CSMD3: variants seen among roughly 807,000 people sequenced by gnomAD.
The protein encoded by CSMD3 is CUB and Sushi multiple domains 3.
A neutral mutation model predicts 435.2 loss-of-function variants in CSMD3; 177 were observed. That is an observed-to-expected ratio of 0.41 (90% CI 0.36 to 0.46). The LOEUF is 0.46. CSMD3 is among the 20% of genes least tolerant of loss of function. The pLI is 0.34. For synonymous variants in CSMD3, 1,656 were observed against 1,520.5 expected (o/e 1.09, Z -2.07); for missense variants, 4,265 against 4,504.6 (o/e 0.95, Z 1.52).
chr8:113,314,848 A>G lies in CSMD3; in HGVS notation c.179-55T>C, dbSNP rs567312329. The stretch of plus-strand genomic sequence containing the variant: ...ATATTATATAAATCAAGAACAATCC[A>G]TGAGATAATATTATTTTGAAAGTCT... On this transcript the variant is annotated intron_variant, in intron 1 of 70. Coordinates refer to ENST00000297405, the MANE Select transcript of CSMD3 (RefSeq NM_198123.2). The G allele has an allele frequency of 4.4e-4, 500 of 1,134,030 alleles. 4 individuals carry two copies. In the South Asian group the frequency reaches 4.5e-3, roughly 10 times the overall value. The allele number at this position is 1,134,030 out of a possible 1,614,324, so 70.2% of individuals were successfully genotyped here. A position where few individuals can be genotyped will look rare whatever the true frequency, so the allele number is the denominator to read the frequency against.
At chr8:113,337,291 T>A (rs760256485) in intron 1 of CSMD3, among the ~76,000 whole-genome samples, 2 of 152,138 alleles carry the variant, frequency 1.3e-5, no homozygotes, top group African/African-American at 2.4e-5. Context: ...TTTAGTTGTT[T>A]GTAGCATGAG....
chr8:112,389,187 AGAT>A (rs1830205665), intron 36 of CSMD3, among the ~76,000 whole-genome samples: 1 of 152,188 alleles, frequency 6.6e-6, no homozygotes, highest in Admixed American at 6.5e-5. Context: ...CAAAAAGAGA[AGAT>A]GATAACTAAA....
intron 5 of CSMD3, among the ~76,000 whole-genome samples, chr8:113,032,696 T>C (rs1486092850): frequency 2.0e-5 from 3 of 151,550 alleles, no homozygotes; most frequent in Admixed American, 6.6e-5. Flanking sequence ...TGGGGAGGGA[T>C]TCAAGTCAAC....
At chr8:112,915,787 C>T (rs1349448265) in intron 10 of CSMD3, among the ~76,000 whole-genome samples, 1 of 151,564 alleles carries the variant, frequency 6.6e-6, no homozygotes, top group Non-Finnish European at 1.5e-5. Flanking sequence ...AAACATAATG[C>T]AATAAAAATA....
At chr8:112,531,417 G>A (rs1825526445) in intron 27 of CSMD3, among the ~76,000 whole-genome samples, 1 of 152,158 alleles carries the variant, frequency 6.6e-6, no homozygotes, top group Non-Finnish European at 1.5e-5. Flanking sequence ...TGCTGTGCTG[G>A]TCTGGAAGGT....
intron 22 of CSMD3, among the ~76,000 whole-genome samples, chr8:112,594,710 A>AC (rs780162782): frequency 6.6e-6 from 1 of 151,662 alleles, no homozygotes; most frequent in Non-Finnish European, 1.5e-5. Context: ...CTAACCCCTG[A>AC]CCCCCCGAGC....
At chr8:113,026,053 G>T (rs1011896048) in intron 5 of CSMD3, among the ~76,000 whole-genome samples, 5 of 152,130 alleles carry the variant, frequency 3.3e-5, no homozygotes, top group Non-Finnish European at 7.3e-5. Flanking sequence ...ACAGGGATAG[G>T]GGGTGCACAT....
At chr8:112,745,278 T>C (rs577197286) in intron 13 of CSMD3, among the ~76,000 whole-genome samples, 1 of 152,120 alleles carries the variant, frequency 6.6e-6, no homozygotes, top group Admixed American at 6.5e-5. Flanking sequence ...TGAAAACTTG[T>C]GTAGTTCCTA....
chr8:112,608,287 A>T (rs976060639), intron 22 of CSMD3, among the ~76,000 whole-genome samples: 3 of 151,754 alleles, frequency 2.0e-5, no homozygotes, highest in Non-Finnish European at 2.9e-5. Flanking sequence ...AAACATTAAT[A>T]AAAAAAATTG....
At chr8:113,052,255 T>A (rs924178072) in intron 5 of CSMD3, among the ~76,000 whole-genome samples, 1 of 152,180 alleles carries the variant, frequency 6.6e-6, no homozygotes, top group Non-Finnish European at 1.5e-5. Flanking sequence ...TGTGAAAATA[T>A]TTTAGCTGTC....
intron 13 of CSMD3, among the ~76,000 whole-genome samples, chr8:112,726,608 A>C (rs1365031318): frequency 2.0e-5 from 3 of 151,988 alleles, no homozygotes; most frequent in Admixed American, 1.3e-4. Flanking sequence ...TTGTTAAATT[A>C]CATATGGAGC....
chr8:112,294,085 G>T (rs1009737499), intron 54 of CSMD3, among the ~76,000 whole-genome samples: 1 of 151,026 alleles, frequency 6.6e-6, no homozygotes, highest in Admixed American at 6.6e-5. Context: ...CAATCAATTT[G>T]CTTGGGGGGG....
intron 13 of CSMD3, among the ~76,000 whole-genome samples, chr8:112,772,907 T>G (rs187081783): frequency 2.0e-5 from 3 of 152,194 alleles, no homozygotes; most frequent in Non-Finnish European, 4.4e-5. Flanking sequence ...TGACCTTCTC[T>G]TCACTATTAT....
chr8:112,633,503 G>A (rs1377571384), intron 22 of CSMD3, among the ~76,000 whole-genome samples: 2 of 152,024 alleles, frequency 1.3e-5, no homozygotes, highest in Non-Finnish European at 2.9e-5. Context: ...TCTTTGGAAT[G>A]AGATATTACA....
At chr8:112,919,943 G>A (rs1317096926) in intron 10 of CSMD3, among the ~76,000 whole-genome samples, 3 of 151,704 alleles carry the variant, frequency 2.0e-5, no homozygotes, top group Non-Finnish European at 4.4e-5. Context: ...GTGTAAACTG[G>A]TCAAGTTTCT....
rs546114366 is a variant in CSMD3, at chr8:112,571,873, TAAAA to T, written c.4042+1624_4042+1627del. ...AACAAGACTGAAACTCTGTCTCAAA[TAAAA>T]AAAAAAAAAAGAAAGAAAGAAAGAA... On this transcript the variant is annotated intron_variant, in intron 24 of 70. Coordinates refer to ENST00000297405, the MANE Select transcript of CSMD3 (RefSeq NM_198123.2). Among the ~76,000 whole-genome samples the T allele has an allele frequency of 9.4e-3, 876 of 92,828 alleles. 6 individuals carry two copies. The highest frequency in any genetic ancestry group is 0.033 in the African/African-American group (798 of 23,860). 60.9% of individuals were successfully genotyped at this position (92,828 alleles called of 152,430 possible).
In CSMD3 at chr8:113,394,047, A is replaced by G. The variant is rs142277901; in HGVS notation, c.178+42630T>C. Among the ~76,000 whole-genome samples the G allele has an allele frequency of 1.5e-4, 23 of 152,160 alleles. No individual in the cohort carries two copies. In the East Asian group the frequency reaches 3.9e-3, roughly 26 times the overall value. Reference sequence around the variant, plus strand: ...AGCTTAAAGTAGACTGAGAACGTATAGAGTCTGCATTCTGAAGTTTATTTT... The same window carrying G: ...AGCTTAAAGTAGACTGAGAACGTATGGAGTCTGCATTCTGAAGTTTATTTT... On this transcript the variant is annotated intron_variant, in intron 1 of 70. Transcript: ENST00000297405.
chr8:113,262,222 T>G (rs2132360921), intron 3 of CSMD3, among the ~76,000 whole-genome samples: 1 of 152,204 alleles, frequency 6.6e-6, no homozygotes, highest in South Asian at 2.1e-4. Context: ...ACACTATTTT[T>G]GCCCCCAAAA....
At chr8:112,822,293 T>C (rs2079551193) in intron 12 of CSMD3, among the ~76,000 whole-genome samples, 1 of 152,194 alleles carries the variant, frequency 6.6e-6, no homozygotes, top group Non-Finnish European at 1.5e-5. Flanking sequence ...CATGGAATCT[T>C]TTTTTTCACT....
Sources: allele counts gnomAD v4.1 joint callset (sites outside exome capture counted in the v4.1 genomes callset), GRCh38; gene constraint gnomAD v4.1.1; transcripts MANE v1.5; gene names NCBI Gene and HGNC (gene_info 2026-07-23, HGNC 2026-07-21).